The following WARS2 variants were observed in gnomAD, a reference collection of about 807,000 sequenced individuals.
WARS2 encodes the protein tryptophanyl tRNA synthetase 2, mitochondrial.
A neutral mutation model predicts 36.5 loss-of-function variants in WARS2; 28 were observed. The observed-to-expected ratio is 0.77, with a 90% CI of 0.57 to 1.05. WARS2 has a LOEUF of 1.05. Among genes scored for constraint, WARS2 ranks in the 50% least tolerant of loss-of-function variants. WARS2 has a pLI of 0.00. For missense variants in WARS2, 435 were observed against 456.8 expected, an observed-to-expected ratio of 0.95 and a Z score of 0.44; for synonymous variants, 174 against 178.4, an observed-to-expected ratio of 0.98 and a Z score of 0.20.
intron 1 of WARS2, among the ~76,000 whole-genome samples, chr1:119,096,584 T>C (rs587722894): frequency 6.6e-6 from 1 of 152,290 alleles, no homozygotes; most frequent in African/African-American, 2.4e-5. Context: ...CTGTAATAAT[T>C]TTAAATGCAA....
chr1:119,068,342 A>C lies in WARS2; in HGVS notation c.348+8008T>G, dbSNP rs186947419. Among the ~76,000 whole-genome samples, 193 of 152,292 alleles carry C rather than the reference A, an allele frequency of 1.3e-3. 1 individual carries two copies. The highest frequency in any genetic ancestry group is 5.9e-3 in the Admixed American group (90 of 15,294). On this transcript the variant is annotated intron_variant, in intron 2 of 5. Coordinates refer to ENST00000235521, the MANE Select transcript of WARS2 (RefSeq NM_015836.4). ...AGTTGGTGAGGTATAACTTTTATTT[A>C]TGTATAGTAAGCCAAGATTTATGTA...
At chr1:119,135,439 G>A (rs1656416291) in intron 1 of WARS2, among the ~76,000 whole-genome samples, 1 of 152,132 alleles carries the variant, frequency 6.6e-6, no homozygotes, top group Non-Finnish European at 1.5e-5. Flanking sequence ...TTTGATAAAA[G>A]ACTACTGGTA....
intron 1 of WARS2, among the ~76,000 whole-genome samples, chr1:119,131,631 T>C (rs1186461215): frequency 1.3e-5 from 2 of 151,912 alleles, no homozygotes; most frequent in Non-Finnish European, 2.9e-5. Context: ...CCCGGCTAAT[T>C]TGTTTGTTTT....
chr1:119,139,776 G>A (rs1004461032), intron 1 of WARS2: 1 of 152,160 alleles, frequency 6.6e-6, no homozygotes, highest in African/African-American at 2.4e-5. Context: ...ATGTCAAAGT[G>A]CTTGCCACTG....
intron 2 of WARS2, among the ~76,000 whole-genome samples, chr1:119,058,034 C>T (rs994731570): frequency 6.6e-6 from 1 of 152,000 alleles, no homozygotes; most frequent in East Asian, 1.9e-4. Flanking sequence ...CTTGGCCTAT[C>T]CTAAAGGCCT....
At chr1:119,063,374 A>G (rs6428790) in intron 2 of WARS2, 124,589 of 152,182 alleles carry the variant, frequency 0.82, 51,720 homozygotes, top group African/African-American at 0.94. Context: ...CTGACTATGC[A>G]AAACCAATTT....
chr1:119,038,045 C>T (rs540576639), intron 4 of WARS2, among the ~76,000 whole-genome samples: 188 of 152,270 alleles, frequency 1.2e-3, no homozygotes, highest in Non-Finnish European at 2.2e-3. Flanking sequence ...CTTCCTGTTA[C>T]TTTTTAGAGA....
At chr1:119,070,701 C>T (rs893174666) in intron 2 of WARS2, among the ~76,000 whole-genome samples, 6 of 151,944 alleles carry the variant, frequency 3.9e-5, no homozygotes, top group Non-Finnish European at 5.9e-5. Flanking sequence ...TATCACTCCA[C>T]CACTGCACTC....
chr1:119,132,772 G>A (rs1656210207), intron 1 of WARS2, among the ~76,000 whole-genome samples: 1 of 152,054 alleles, frequency 6.6e-6, no homozygotes, highest in South Asian at 2.1e-4. Flanking sequence ...GTTCAATATT[G>A]CTAATTTTAA....
chr1:119,101,250 A>C (rs1462875025), intron 1 of WARS2, among the ~76,000 whole-genome samples: 1 of 152,186 alleles, frequency 6.6e-6, no homozygotes, highest in Non-Finnish European at 1.5e-5. Flanking sequence ...CGTGTAACAA[A>C]ATTTCACATT....
At chr1:119,130,701 C>G (rs1292514727) in intron 1 of WARS2, among the ~76,000 whole-genome samples, 1 of 151,794 alleles carries the variant, frequency 6.6e-6, no homozygotes, top group East Asian at 1.9e-4. Context: ...CATGTGTTGT[C>G]TCACTGATTT....
intron 1 of WARS2, among the ~76,000 whole-genome samples, chr1:119,095,585 A>G (rs1277122124): frequency 6.6e-6 from 1 of 152,070 alleles, no homozygotes; most frequent in Non-Finnish European, 1.5e-5. Flanking sequence ...GGCGCCTGCC[A>G]CCGCGCCCGG....
intron 1 of WARS2, among the ~76,000 whole-genome samples, chr1:119,130,300 C>A (rs1000501189): frequency 6.6e-6 from 1 of 152,152 alleles, no homozygotes; most frequent in South Asian, 2.1e-4. Context: ...TGAGACAAAA[C>A]CATACTCAAA....
intron 1 of WARS2, among the ~76,000 whole-genome samples, chr1:119,138,878 T>C (rs1241039287): frequency 1.3e-5 from 2 of 152,234 alleles, no homozygotes; most frequent in Non-Finnish European, 2.9e-5. Flanking sequence ...AATAGCCCTA[T>C]TCATAAATGC....
At chr1:119,039,725 C>G (rs972782957) in intron 4 of WARS2, among the ~76,000 whole-genome samples, 4 of 152,246 alleles carry the variant, frequency 2.6e-5, no homozygotes, top group Non-Finnish European at 5.9e-5. Flanking sequence ...ATCTGAAAGG[C>G]TCCTCTTCCA....
chr1:119,127,211 C>A, intron 1 of WARS2: 1 of 732,444 alleles, frequency 1.4e-6, no homozygotes, highest in South Asian at 1.4e-5. Flanking sequence ...ACCAATCCTT[C>A]TTCGAAAATG....
intron 2 of WARS2, chr1:119,062,799 A>G: frequency 6.3e-6 from 1 of 158,458 alleles, no homozygotes. Context: ...CATGATTCTG[A>G]GGCCTCCCCA....
chr1:119,094,331 G>A (rs915070080), intron 1 of WARS2, among the ~76,000 whole-genome samples: 5 of 152,064 alleles, frequency 3.3e-5, no homozygotes, highest in Non-Finnish European at 4.4e-5. Context: ...GATGGCATGC[G>A]CTATTTCAAC....
At position 119,076,285 on chromosome 1, in the gene WARS2, T is replaced by G. The variant is rs1199716600; in HGVS notation, c.348+65A>C. On this transcript the variant is annotated intron_variant, in intron 2 of 5. Transcript: ENST00000235521. ...CACGAGCAGGGGCTGTATGAACCAT[T>G]CAACATTTTTTCCTCAAATAATCTA... The G allele has an allele frequency of 4.4e-6, 7 of 1,579,028 alleles. No individual in the cohort carries two copies. In the Admixed American group the frequency reaches 1.2e-4, roughly 28 times the overall value.
Sources: allele counts gnomAD v4.1 joint callset (sites outside exome capture counted in the v4.1 genomes callset), GRCh38; gene constraint gnomAD v4.1.1; transcripts MANE v1.5; gene names NCBI Gene and HGNC (gene_info 2026-07-23, HGNC 2026-07-21).